The following SLC6A11 variants were observed in gnomAD, a reference collection of about 807,000 sequenced individuals.
SLC6A11 encodes the protein solute carrier family 6 member 11.
SLC6A11 carries 25 observed loss-of-function variants against 74.8 expected under a neutral mutation model. That is an observed-to-expected ratio of 0.33 (90% CI 0.24 to 0.47). SLC6A11 has a LOEUF of 0.47. SLC6A11 is among the 20% of genes least tolerant of loss of function. The pLI is 1.00. For synonymous variants in SLC6A11, 330 were observed against 330.2 expected, an observed-to-expected ratio of 1.00 and a Z score of 0.01; for missense variants, 574 against 837.0, an observed-to-expected ratio of 0.69 and a Z score of 3.88.
intron 8 of SLC6A11, among the ~76,000 whole-genome samples, chr3:10,924,969 C>T (rs1460976314): frequency 6.6e-6 from 1 of 152,162 alleles, no homozygotes; most frequent in African/African-American, 2.4e-5. Flanking sequence ...TATGACCCAG[C>T]AATTCCACTT....
chr3:10,823,615 T>G, intron 4 of SLC6A11: 3 of 509,006 alleles, frequency 5.9e-6, no homozygotes. Context: ...TGATAACATG[T>G]CAGCATGCAT....
chr3:10,890,690 T>C (rs1352519719), intron 6 of SLC6A11, among the ~76,000 whole-genome samples: 1 of 152,266 alleles, frequency 6.6e-6, no homozygotes, highest in Non-Finnish European at 1.5e-5. Flanking sequence ...TTTCACAACA[T>C]GCTGTACTGA....
In SLC6A11 at chr3:10,918,945, C is replaced by T. The variant is rs1695497025; in HGVS notation, c.1120+492C>T. 2.0e-5 allele frequency among the ~76,000 whole-genome samples: 3 copies of T among 152,120 alleles called. No individual in the cohort carries two copies. The highest frequency in any genetic ancestry group is 4.4e-5 in the Non-Finnish European group (3 of 68,022). On this transcript the variant is annotated intron_variant, in intron 8 of 13. Coordinates refer to ENST00000254488, the MANE Select transcript of SLC6A11 (RefSeq NM_014229.3). The surrounding 1 kb of genome is among the most constrained non-coding windows in gnomAD (Gnocchi z 4.5). ...CACAAAGCCCTGTGTTGCCCGGCTC[C>T]TGTGGCCCCACCAGCCTCACCACCT...
chr3:10,881,241 C>T (rs974329492), intron 6 of SLC6A11, among the ~76,000 whole-genome samples: 16 of 152,164 alleles, frequency 1.1e-4, no homozygotes, highest in African/African-American at 3.4e-4. Context: ...CATGGTGAAA[C>T]TCCGTCTCTA....
At chr3:10,824,581 C>T (rs1350402768) in intron 4 of SLC6A11, 2 of 152,096 alleles carry the variant, frequency 1.3e-5, no homozygotes, top group Non-Finnish European at 2.9e-5. Flanking sequence ...TACTGGCATC[C>T]ATTATTTACA....
chr3:10,871,207 C>G (rs560937125), intron 5 of SLC6A11, among the ~76,000 whole-genome samples: 1 of 152,352 alleles, frequency 6.6e-6, no homozygotes, highest in Non-Finnish European at 1.5e-5. Context: ...TGACACCCCA[C>G]TGGCTCAGTC....
rs532516957 is a variant in SLC6A11, at chr3:10,836,940, T to A, written c.624-7274T>A. On this transcript the variant is annotated intron_variant, in intron 4 of 13. Transcript: ENST00000254488. ...GCTTTCACCCTGCAGGAATAGAGAA[T>A]AGTTGGGACAGAGACAGTATGCCTT... 3.3e-5 allele frequency among the ~76,000 whole-genome samples: 5 copies of A among 152,352 alleles called. No homozygotes were observed. In the South Asian group the frequency reaches 1.0e-3, roughly 32 times the overall value.
In SLC6A11 at chr3:10,918,356, C is replaced by T. The variant is rs766672548; in HGVS notation, c.1023C>T (p.Asn341=). ...YRDCIMLCCL[N]SGTSFVAGFA... ...ACTGCATCATGCTCTGTTGCCTGAA[C>T]AGCGGCACCAGCTTCGTGGCTGGGT... Residue 341 remains asparagine (N), a synonymous_variant, in exon 8 of 14, where the codon AAC becomes AAT. Transcript: ENST00000254488. This position sits in a 1 kb window ranked among gnomAD's most constrained non-coding sequence, Gnocchi z 4.5. The T allele has an allele frequency of 6.2e-7, 1 of 1,608,752 alleles. No homozygotes were observed. Among genetic ancestry groups the T allele is most frequent in the South Asian group, 1.1e-5 (1 of 90,398 alleles).
intron 6 of SLC6A11, among the ~76,000 whole-genome samples, chr3:10,898,908 T>C (rs546848116): frequency 1.9e-4 from 29 of 152,178 alleles, no homozygotes; most frequent in Non-Finnish European, 2.4e-4. Context: ...TTATTGGACT[T>C]AACAGTTCCA....
At chr3:10,911,003 G>A (rs1412664805) in intron 6 of SLC6A11, among the ~76,000 whole-genome samples, 4 of 151,906 alleles carry the variant, frequency 2.6e-5, no homozygotes, top group African/African-American at 9.7e-5. Flanking sequence ...TGTATTTTTA[G>A]TACAGACAGG....
chr3:10,885,604 A>C (rs1042585578), intron 6 of SLC6A11, among the ~76,000 whole-genome samples: 1 of 151,944 alleles, frequency 6.6e-6, no homozygotes, highest in Non-Finnish European at 1.5e-5. Context: ...TGATAAAAAA[A>C]AAAAAAAAAA....
chr3:10,889,617 C>T (rs984854139), intron 6 of SLC6A11, among the ~76,000 whole-genome samples: 6 of 152,320 alleles, frequency 3.9e-5, no homozygotes, highest in Admixed American at 2.0e-4. Flanking sequence ...CTAGCACCAG[C>T]CTTATTTGGG....
chr3:10,859,648 T>C (rs528229977), intron 5 of SLC6A11, among the ~76,000 whole-genome samples: 1 of 152,248 alleles, frequency 6.6e-6, no homozygotes, highest in Admixed American at 6.5e-5. Flanking sequence ...AATTCTGAGA[T>C]TGTGTGATAT....
At chr3:10,828,787 C>T (rs1694251078) in intron 4 of SLC6A11, among the ~76,000 whole-genome samples, 1 of 152,202 alleles carries the variant, frequency 6.6e-6, no homozygotes, top group South Asian at 2.1e-4. Flanking sequence ...ATCACTCTTT[C>T]TTAATGCCCC....
intron 6 of SLC6A11, among the ~76,000 whole-genome samples, chr3:10,890,561 T>G (rs1695095910): frequency 6.6e-6 from 1 of 152,228 alleles, no homozygotes; most frequent in Non-Finnish European, 1.5e-5. Flanking sequence ...TTGTCCTCTT[T>G]CTGAATAAGA....
intron 6 of SLC6A11, among the ~76,000 whole-genome samples, chr3:10,882,761 A>T (rs1694997231): frequency 6.6e-6 from 1 of 152,116 alleles, no homozygotes; most frequent in South Asian, 2.1e-4. Flanking sequence ...AGGCGAGGAA[A>T]TGGGAGTCAC....
At position 10,832,835 on chromosome 3, in the gene SLC6A11, C is replaced by G. The variant is rs558009879; in HGVS notation, c.623+9443C>G. Among the ~76,000 whole-genome samples the G allele has an allele frequency of 2.6e-5, 4 of 152,312 alleles. No individual in the cohort carries two copies. The East Asian group carries it at 7.7e-4, about 29-fold the overall frequency. Reference sequence around the variant, plus strand: ...TCGATTTCTTTAGTGCAAAAGTGATCTGTGTCCTTTTTTGTAGAAAATGTA... The same window carrying G: ...TCGATTTCTTTAGTGCAAAAGTGATGTGTGTCCTTTTTTGTAGAAAATGTA... On this transcript the variant is annotated intron_variant, in intron 4 of 13. Transcript: ENST00000254488.
chr3:10,892,339 G>A (rs777616593), intron 6 of SLC6A11, among the ~76,000 whole-genome samples: 7 of 152,216 alleles, frequency 4.6e-5, no homozygotes, highest in South Asian at 2.1e-4. Context: ...TCTCAGTGAC[G>A]TTCCAAACAG....
chr3:10,928,336 AG>A (rs1188665006), intron 9 of SLC6A11, among the ~76,000 whole-genome samples: 2 of 152,098 alleles, frequency 1.3e-5, no homozygotes, highest in Non-Finnish European at 2.9e-5. Flanking sequence ...TAAGCAGGAA[AG>A]GGCCCCCAGG....
Sources: allele counts gnomAD v4.1 joint callset (sites outside exome capture counted in the v4.1 genomes callset), GRCh38; gene constraint gnomAD v4.1.1; non-coding constraint Gnocchi (gnomAD v3.1); transcripts MANE v1.5; gene names NCBI Gene and HGNC (gene_info 2026-07-23, HGNC 2026-07-21).